SEMA6D: variants seen among roughly 807,000 people sequenced by gnomAD.
SEMA6D encodes the protein semaphorin 6D.
SEMA6D carries 35 observed loss-of-function variants against 106.6 expected under a neutral mutation model. That is an observed-to-expected ratio of 0.33 (90% confidence interval 0.25 to 0.44). The LOEUF (loss-of-function observed/expected upper bound fraction) is 0.44, where lower values mean the gene tolerates loss of function less well. Ranked by LOEUF, SEMA6D falls within the 20% of genes least tolerant of loss-of-function variation. SEMA6D has a pLI of 1.00. For synonymous variants in SEMA6D, 499 were observed against 487.7 expected (o/e 1.02, Z -0.31); for missense variants, 1,185 against 1,345.9 (o/e 0.88, Z 1.87).
intron 3 of SEMA6D, among the ~76,000 whole-genome samples, chr15:47,485,096 G>A (rs561832851): frequency 1.3e-5 from 2 of 152,290 alleles, no homozygotes; most frequent in East Asian, 3.9e-4. Flanking sequence ...GCATTTATGT[G>A]TATGTGGCTT....
chr15:47,384,819 T>TTTG (rs1441544980), intron 1 of SEMA6D, among the ~76,000 whole-genome samples: 1 of 68,790 alleles, frequency 1.5e-5, no homozygotes, highest in East Asian at 2.7e-4. Flanking sequence ...CTAAAGTTTT[T>TTTG]TTTTTTTTTT....
At chr15:47,347,375 C>T (rs1305127915) in intron 1 of SEMA6D, among the ~76,000 whole-genome samples, 1 of 152,202 alleles carries the variant, frequency 6.6e-6, no homozygotes, top group African/African-American at 2.4e-5. Context: ...TTAGAGTAGG[C>T]TCTTCTGAAA....
At chr15:47,725,606 G>C (rs2079694069) in intron 1 of SEMA6D, among the ~76,000 whole-genome samples, 1 of 151,252 alleles carries the variant, frequency 6.6e-6, no homozygotes, top group African/African-American at 2.4e-5. Flanking sequence ...AAGATAACCT[G>C]TTTAGACATT....
intron 1 of SEMA6D, among the ~76,000 whole-genome samples, chr15:47,733,075 G>T (rs1257810548): frequency 6.6e-6 from 1 of 152,106 alleles, no homozygotes; most frequent in East Asian, 1.9e-4. Context: ...TTTTCTCATG[G>T]TTCCTACTTC....
intron 3 of SEMA6D, among the ~76,000 whole-genome samples, chr15:47,575,820 C>G (rs1245079449): frequency 6.6e-6 from 1 of 152,032 alleles, no homozygotes; most frequent in Non-Finnish European, 1.5e-5. Context: ...ATTGTGGTAT[C>G]TCTCCTTTTT....
At chr15:47,411,811 G>A (rs560778389) in intron 1 of SEMA6D, among the ~76,000 whole-genome samples, 1 of 152,026 alleles carries the variant, frequency 6.6e-6, no homozygotes, top group East Asian at 1.9e-4. Flanking sequence ...TTCCAGTAGC[G>A]TGGTCAGAAC....
intron 1 of SEMA6D, among the ~76,000 whole-genome samples, chr15:47,282,858 G>A (rs1484770344): frequency 1.3e-5 from 2 of 152,154 alleles, no homozygotes; most frequent in African/African-American, 4.8e-5. Context: ...ACGCTTACCA[G>A]CACTGTTGGG....
At chr15:47,408,122 C>G (rs2040658138) in intron 1 of SEMA6D, among the ~76,000 whole-genome samples, 1 of 152,056 alleles carries the variant, frequency 6.6e-6, no homozygotes, top group African/African-American at 2.4e-5. Context: ...TCCTTGTGAC[C>G]TGGTGTGGAA....
At chr15:47,723,763 C>T (rs1015909789) in intron 1 of SEMA6D, among the ~76,000 whole-genome samples, 5 of 151,962 alleles carry the variant, frequency 3.3e-5, no homozygotes, top group Non-Finnish European at 5.9e-5. Flanking sequence ...ATACACATGA[C>T]CACTACACAT....
intron 4 of SEMA6D, among the ~76,000 whole-genome samples, chr15:47,649,950 C>A (rs2077654853): frequency 6.6e-6 from 1 of 152,136 alleles, no homozygotes; most frequent in African/African-American, 2.4e-5. Flanking sequence ...TTCTTGTGAA[C>A]ATAGCTGCTT....
chr15:47,494,175 C>G lies in SEMA6D; in HGVS notation c.-87+23630C>G, dbSNP rs73388965. On this transcript the variant is annotated intron_variant, in intron 3 of 19. Transcript: ENST00000558014. ...GTTATTACTGTGGCCTAAACATCAT[C>G]TTGGTGTCACCCTCTCTATTATTCA... 9.0e-3 allele frequency among the ~76,000 whole-genome samples: 1,374 copies of G among 152,208 alleles called. 12 individuals carry two copies. Among genetic ancestry groups the G allele is most frequent in the African/African-American group, 0.032 (1,323 of 41,548 alleles).
intron 1 of SEMA6D, among the ~76,000 whole-genome samples, chr15:47,253,984 G>A (rs940059650): frequency 1.3e-5 from 2 of 151,970 alleles, no homozygotes; most frequent in East Asian, 3.9e-4. Flanking sequence ...CAATCATTGA[G>A]CATTGAGAAT....
intron 1 of SEMA6D, chr15:47,185,900 TC>T (rs1343872825): frequency 6.6e-6 from 1 of 152,152 alleles, no homozygotes; most frequent in African/African-American, 2.4e-5. Flanking sequence ...TCTTTCTTTT[TC>T]TGAGGTCCGT....
chr15:47,626,574 A>G (rs2077205543), intron 4 of SEMA6D, among the ~76,000 whole-genome samples: 1 of 152,174 alleles, frequency 6.6e-6, no homozygotes, highest in Admixed American at 6.6e-5. Context: ...TCTTTATTTG[A>G]CCAAGAAAAC....
intron 2 of SEMA6D, among the ~76,000 whole-genome samples, chr15:47,422,879 A>G (rs2041217436): frequency 6.6e-6 from 1 of 152,104 alleles, no homozygotes; most frequent in African/African-American, 2.4e-5. Context: ...TATTTTTATT[A>G]GCCTGAACTT....
At chr15:47,607,683 CG>C (rs778501190) in intron 4 of SEMA6D, among the ~76,000 whole-genome samples, 44 of 152,348 alleles carry the variant, frequency 2.9e-4, no homozygotes, top group Non-Finnish European at 5.3e-4. Context: ...CTTGCAAATG[CG>C]TAACCTTGTT....
intron 4 of SEMA6D, among the ~76,000 whole-genome samples, chr15:47,653,285 T>C (rs962580005): frequency 2.0e-4 from 30 of 152,228 alleles, no homozygotes; most frequent in African/African-American, 6.8e-4. Flanking sequence ...GCTTAATGTG[T>C]GATGGAATCT....
Position 47,772,357 on chromosome 15 carries a change from C to CGTGTGTGTGTGTGTGCGTGTGT in SEMA6D, c.*587_*588insCGTGTGTGTGTGTGTGTGTGTG. ...CACCAACAAACTTGTTGTGTGTGTG[C>CGTGTGTGTGTGTGTGCGTGTGT]GTGTGTGTGTGTGTGTGTGTGTGTG... On this transcript the variant is annotated 3_prime_UTR_variant, in exon 19 of 19. Transcript: ENST00000536845. 1 of 141,638 alleles carries CGTGTGTGTGTGTGTGCGTGTGT rather than the reference C, an allele frequency of 7.1e-6. No homozygotes were observed. Among genetic ancestry groups the CGTGTGTGTGTGTGTGCGTGTGT allele is most frequent in the South Asian group, 2.3e-4 (1 of 4,306 alleles). The allele number at this position is 141,638 out of a possible 1,614,324, so 8.8% of individuals were successfully genotyped here. A position where few individuals can be genotyped will look rare whatever the true frequency, so the allele number is the denominator to read the frequency against.
intron 3 of SEMA6D, among the ~76,000 whole-genome samples, chr15:47,503,601 T>C (rs2043930958): frequency 6.6e-6 from 1 of 152,200 alleles, no homozygotes; most frequent in Admixed American, 6.5e-5. Flanking sequence ...CATGTAGATA[T>C]GGCATAAACA....
Sources: allele counts gnomAD v4.1 joint callset (sites outside exome capture counted in the v4.1 genomes callset), GRCh38; gene constraint gnomAD v4.1.1; transcripts MANE v1.5; gene names NCBI Gene and HGNC (gene_info 2026-07-23, HGNC 2026-07-21).